The following COG5 variants were observed in gnomAD, a reference collection of about 807,000 sequenced individuals.
The protein encoded by COG5 is component of oligomeric golgi complex 5, also known as conserved oligomeric Golgi complex subunit 5.
Under a neutral mutation model 110.4 loss-of-function variants are expected in COG5, and 86 were observed. The observed-to-expected ratio is 0.78, with a 90% CI of 0.65 to 0.93. The LOEUF is 0.93. Ranked by LOEUF, COG5 falls within the 40% of genes least tolerant of loss-of-function variation. COG5 has a pLI of 0.00. For missense variants in COG5, 1,077 were observed against 987.0 expected, an observed-to-expected ratio of 1.09 and a Z score of -1.22; for synonymous variants, 360 against 334.6, an observed-to-expected ratio of 1.08 and a Z score of -0.83.
At chr7:107,556,433 A>C (rs1436335770) in intron 2 of COG5, among the ~76,000 whole-genome samples, 2 of 152,202 alleles carry the variant, frequency 1.3e-5, no homozygotes, top group African/African-American at 2.4e-5. Flanking sequence ...CTCCCCTCTA[A>C]GTGATGGTAA....
In COG5 at chr7:107,419,568, A is replaced by AT. The variant is rs879883219; in HGVS notation, c.539-6937dup. Among the ~76,000 whole-genome samples, 543 of 143,696 alleles carry AT rather than the reference A, an allele frequency of 3.8e-3. 1 individual carries two copies. The highest frequency in any genetic ancestry group is 7.2e-3 in the Middle Eastern group (2 of 278). 94.3% of individuals were successfully genotyped at this position (143,696 alleles called of 152,430 possible). A position where few individuals can be genotyped will look rare whatever the true frequency, so the allele number is the denominator to read the frequency against. On this transcript the variant is annotated intron_variant, in intron 6 of 21. Transcript: ENST00000297135. The stretch of plus-strand genomic sequence containing the variant: ...TCAAAAACACATAAAGAATTTATAG[A>AT]TTTTTTTTTTTTTTTTGAGACGGAG...
intron 6 of COG5, among the ~76,000 whole-genome samples, chr7:107,433,517 C>A (rs371573548): frequency 6.6e-6 from 1 of 152,170 alleles, no homozygotes; most frequent in Non-Finnish European, 1.5e-5. Context: ...CAGATATAAA[C>A]CTTTACGTGT....
At chr7:107,523,151 TTGAC>T (rs1280286629) in intron 6 of COG5, among the ~76,000 whole-genome samples, 2 of 152,190 alleles carry the variant, frequency 1.3e-5, no homozygotes, top group Non-Finnish European at 2.9e-5. Flanking sequence ...ATGAACAACA[TTGAC>T]TGATTGATTG....
intron 12 of COG5, among the ~76,000 whole-genome samples, chr7:107,284,293 G>A (rs1213304965): frequency 1.3e-5 from 2 of 152,094 alleles, no homozygotes; most frequent in Non-Finnish European, 2.9e-5. Context: ...AATACCTACT[G>A]TATTATCTGT....
chr7:107,326,431 AAAT>A (rs751777538), intron 10 of COG5, among the ~76,000 whole-genome samples: 18 of 152,318 alleles, frequency 1.2e-4, no homozygotes, highest in Middle Eastern at 6.8e-3. Flanking sequence ...AGGCCTGTTA[AAAT>A]AATAACTGAA....
At chr7:107,300,945 G>A (rs956819059) in intron 11 of COG5, among the ~76,000 whole-genome samples, 1 of 152,090 alleles carries the variant, frequency 6.6e-6, no homozygotes, top group African/African-American at 2.4e-5. Context: ...CTGGGGTAAA[G>A]ACAGACACAT....
chr7:107,528,349 A>C (rs1260415421), intron 5 of COG5, among the ~76,000 whole-genome samples: 1 of 152,270 alleles, frequency 6.6e-6, no homozygotes, highest in East Asian at 1.9e-4. Context: ...TCAGACTCCC[A>C]AAGTGCTAGG....
rs774917411 is a variant in COG5 at position 107,563,736 on chromosome 7, T to C, written c.94+67A>G. On this transcript the variant is annotated intron_variant, in intron 1 of 21. Transcript: ENST00000297135. ...TGCAAAGCAACGGGTTGGGTCCACC[T>C]CGCTGTCCAGGTGCGGAGCAGCGCA... is the stretch of plus-strand genomic sequence containing the variant. 1,050 of 1,568,464 alleles carry C rather than the reference T, an allele frequency of 6.7e-4. 1 individual carries two copies. The highest frequency in any genetic ancestry group is 8.4e-4 in the Non-Finnish European group (960 of 1,138,996).
chr7:107,458,382 T>C (rs1013977594), intron 6 of COG5, among the ~76,000 whole-genome samples: 1 of 152,070 alleles, frequency 6.6e-6, no homozygotes, highest in Non-Finnish European at 1.5e-5. Flanking sequence ...ACAAAAATAG[T>C]GACACTGTAC....
chr7:107,416,788 G>C (rs892731878), intron 6 of COG5, among the ~76,000 whole-genome samples: 3 of 152,188 alleles, frequency 2.0e-5, no homozygotes, highest in Non-Finnish European at 4.4e-5. Flanking sequence ...CAGCAGATGG[G>C]ACGTTATAGG....
At chr7:107,515,257 T>C (rs1044903960) in intron 6 of COG5, among the ~76,000 whole-genome samples, 1 of 152,124 alleles carries the variant, frequency 6.6e-6, no homozygotes, top group African/African-American at 2.4e-5. Context: ...ATTAATGTTA[T>C]CATGAGACTC....
chr7:107,349,097 T>A (rs1033590112), intron 10 of COG5, among the ~76,000 whole-genome samples: 3 of 152,194 alleles, frequency 2.0e-5, no homozygotes, highest in Admixed American at 2.0e-4. Context: ...AGTACAACTT[T>A]TGCATATTAT....
At chr7:107,498,942 A>ACATT (rs1366362277) in intron 6 of COG5, among the ~76,000 whole-genome samples, 6 of 152,198 alleles carry the variant, frequency 3.9e-5, no homozygotes, top group Admixed American at 2.0e-4. Context: ...ATATATATAC[A>ACATT]TAGAACAGAA....
chr7:107,494,762 T>G (rs1798169356), intron 6 of COG5, among the ~76,000 whole-genome samples: 1 of 152,142 alleles, frequency 6.6e-6, no homozygotes, highest in Non-Finnish European at 1.5e-5. Context: ...TTATAGAAAT[T>G]GCAATGAGTA....
intron 10 of COG5, among the ~76,000 whole-genome samples, chr7:107,352,256 C>T (rs1812218720): frequency 7.8e-6 from 1 of 128,722 alleles, no homozygotes; most frequent in Non-Finnish European, 1.5e-5. Flanking sequence ...GGGAAGTGAA[C>T]AAGGAGAACA....
At chr7:107,288,913 T>G (rs1476534055) in intron 12 of COG5, among the ~76,000 whole-genome samples, 141 of 5,786 alleles carry the variant, frequency 0.024, 1 homozygote, top group East Asian at 0.1. Flanking sequence ...CAGAGATATA[T>G]ATATATATAT....
At chr7:107,455,839 G>A (rs1045700488) in intron 6 of COG5, among the ~76,000 whole-genome samples, 2 of 152,110 alleles carry the variant, frequency 1.3e-5, no homozygotes, top group Admixed American at 6.5e-5. Context: ...ATCCACCTAG[G>A]CTGGAGTGCA....
At position 107,531,265 on chromosome 7, in the gene COG5, T is replaced by C. The variant is rs369283480; in HGVS notation, c.418-3908A>G. On this transcript the variant is annotated intron_variant, in intron 5 of 21. Transcript: ENST00000297135. ...TTCTATATTACCTGTAAATTAGTAG[T>C]TGGATGCGGGCAGCTTCATCAGATT... is the stretch of plus-strand genomic sequence containing the variant. 7.9e-5 allele frequency among the ~76,000 whole-genome samples: 12 copies of C among 152,308 alleles called. No homozygotes were observed. The East Asian group carries it at 1.7e-3, about 22-fold the overall frequency.
At chr7:107,550,183 CT>C in intron 3 of COG5, among the ~76,000 whole-genome samples, 1 of 152,232 alleles carries the variant, frequency 6.6e-6, no homozygotes, top group East Asian at 1.9e-4. Context: ...CTCACGGTGA[CT>C]TTTTTCCATC....
Sources: allele counts gnomAD v4.1 joint callset (sites outside exome capture counted in the v4.1 genomes callset), GRCh38; gene constraint gnomAD v4.1.1; transcripts MANE v1.5; gene names NCBI Gene and HGNC (gene_info 2026-07-23, HGNC 2026-07-21).